The following JCAD variants were observed in gnomAD, a reference collection of about 807,000 sequenced individuals.
JCAD encodes junctional cadherin 5-associated protein.
JCAD carries 40 observed loss-of-function variants against 98.0 expected under a neutral mutation model. The observed-to-expected ratio is 0.41, with a 90% confidence interval of 0.32 to 0.53. The LOEUF (loss-of-function observed/expected upper bound fraction) is 0.53. JCAD is among the 20% of genes least tolerant of loss of function. The pLI is 0.31. For missense variants in JCAD, 1,705 were observed against 1,738.1 expected, an observed-to-expected ratio of 0.98 and a Z score of 0.34; for synonymous variants, 691 against 682.3, an observed-to-expected ratio of 1.01 and a Z score of -0.20.
At chr10:30,035,538 G>A (rs1422477351) in intron 2 of JCAD, among the ~76,000 whole-genome samples, 1 of 152,256 alleles carries the variant, frequency 6.6e-6, no homozygotes, top group African/African-American at 2.4e-5. Flanking sequence ...CTTCAGACAA[G>A]TTAGCAAGAA....
intron 1 of JCAD, among the ~76,000 whole-genome samples, chr10:30,074,527 C>T (rs542598655): frequency 4.6e-5 from 7 of 152,318 alleles, no homozygotes; most frequent in Admixed American, 2.0e-4. Flanking sequence ...ACAACAGGAC[C>T]TGCACCTGTG....
upstream of JCAD, among the ~76,000 whole-genome samples, chr10:30,062,215 A>G (rs1189988845): frequency 6.6e-6 from 1 of 152,198 alleles, no homozygotes; most frequent in African/African-American, 2.4e-5. Context: ...GGGGAATGTA[A>G]TGGGATTGAA....
rs749663289 is a variant in JCAD at position 30,028,592 on chromosome 10, C to T, written c.1556G>A (p.Arg519His). ...ENSGLPNQRD[R>H]CVARGQWPDV... ...AGGCCACTGTCCCCTTGCCACACAG[C>T]GGTCTCTCTGGTTGGGGAGGCCACT... Residue 519 changes from arginine to histidine, a missense_variant, in exon 3 of 4, where the codon CGC (arginine) becomes CAC (histidine). Physicochemically the swap from Arg to His is conservative, Grantham distance 29. This residue lies in a region of JCAD where 1,278 missense variants were observed against 1,243.1 expected (regional missense o/e 1.03). Transcript: ENST00000375377. 2.0e-5 allele frequency: 32 copies of T among 1,613,922 alleles called. No individual in the cohort carries two copies. The highest frequency in any genetic ancestry group is 2.7e-5 in the African/African-American group (2 of 75,048).
rs376588282 is a variant in JCAD at position 30,047,657 on chromosome 10, C to T, written c.156G>A (p.Ala52=). The T allele has an allele frequency of 2.3e-5, 37 of 1,614,200 alleles. No homozygotes were observed. The highest frequency in any genetic ancestry group is 2.2e-4 in the Admixed American group (13 of 60,036). ...CGGACGTCTTACGATGTGCGAGGGC[C>T]GCAGGGCCATCCTCATGCCCGTTCT... The part of the protein sequence containing the change: ...GLQNGHEDGP[A]ALAHRKTSAG... The change falls in exon 2 of 4, where the codon GCG becomes GCA. Residue 52 remains alanine (A), a synonymous_variant. Transcript: ENST00000375377.
At chr10:30,076,701 G>A (rs1837986883) in intron 1 of JCAD, among the ~76,000 whole-genome samples, 1 of 152,080 alleles carries the variant, frequency 6.6e-6, no homozygotes, top group African/African-American at 2.4e-5. Context: ...ACACATGTGG[G>A]TATATAGCAT....
At chr10:30,072,993 G>A (rs1432546155) in intron 1 of JCAD, among the ~76,000 whole-genome samples, 1 of 152,200 alleles carries the variant, frequency 6.6e-6, no homozygotes, top group Non-Finnish European at 1.5e-5. Flanking sequence ...GGCATGACCA[G>A]TCCTAACATT....
intron 1 of JCAD, among the ~76,000 whole-genome samples, chr10:30,076,874 G>C (rs1207850354): frequency 6.6e-6 from 1 of 152,054 alleles, no homozygotes; most frequent in African/African-American, 2.4e-5. Context: ...GTGCGAACCA[G>C]CTAGGAGGGC....
In JCAD at chr10:30,026,531, A is replaced by G. The variant is rs762008363; in HGVS notation, c.3617T>C (p.Val1206Ala). Residue 1206 changes from valine (V) to alanine (A), a missense_variant, in exon 3 of 4, where the codon GTG becomes GCG. By Grantham distance (64) the Val-to-Ala change is moderately conservative. Around this residue, in one of 3 missense-constraint regions of JCAD, gnomAD observed 1,278 missense variants for 1,243.1 expected, o/e 1.03. Coordinates refer to ENST00000375377, the MANE Select transcript of JCAD (RefSeq NM_020848.4). ...LESKFFEQKD[V>A]ETKPPFRSTL... ...GGACCTGAAGGGTGGTTTTGTTTCCACATCCTTTTGTTCGAAGAACTTGGA... is the reference window on the plus strand; with the variant it reads ...GGACCTGAAGGGTGGTTTTGTTTCCGCATCCTTTTGTTCGAAGAACTTGGA... 4.1e-5 allele frequency: 66 copies of G among 1,614,188 alleles called. No individual in the cohort carries two copies. The Middle Eastern group carries it at 4.3e-3, about 105-fold the overall frequency.
chr10:30,099,180 TC>T (rs1432750778), intron 1 of JCAD, among the ~76,000 whole-genome samples: 2 of 152,206 alleles, frequency 1.3e-5, no homozygotes, highest in Non-Finnish European at 2.9e-5. Context: ...GTAAACATAA[TC>T]CCAACTCATC....
At chr10:30,047,103 G>A (rs1186783842) in intron 2 of JCAD, among the ~76,000 whole-genome samples, 5 of 152,066 alleles carry the variant, frequency 3.3e-5, no homozygotes, top group Admixed American at 2.0e-4. Flanking sequence ...AGGTGGCCGG[G>A]TGCAGTGGCT....
At chr10:30,070,884 GTGTTTT>G (rs1837873216) in intron 1 of JCAD, among the ~76,000 whole-genome samples, 1 of 152,162 alleles carries the variant, frequency 6.6e-6, no homozygotes, top group African/African-American at 2.4e-5. Flanking sequence ...TATTAATACA[GTGTTTT>G]TGTTGTTGTT....
intron 1 of JCAD, among the ~76,000 whole-genome samples, chr10:30,077,122 C>G (rs1393810319): frequency 6.6e-6 from 1 of 152,178 alleles, no homozygotes. Context: ...ATCAGTGAAA[C>G]CAGCTTCACA....
At chr10:30,085,921 A>G (rs1838160277) in intron 1 of JCAD, among the ~76,000 whole-genome samples, 1 of 151,332 alleles carries the variant, frequency 6.6e-6, no homozygotes, top group African/African-American at 2.4e-5. Context: ...CCTTCCCCAG[A>G]AAGTCTATTT....
intron 1 of JCAD, among the ~76,000 whole-genome samples, chr10:30,099,543 AT>A (rs1363626617): frequency 6.6e-6 from 1 of 152,108 alleles, no homozygotes; most frequent in Non-Finnish European, 1.5e-5. Flanking sequence ...AGCATGAATA[AT>A]AAGATGAAAA....
chr10:30,079,925 A>T (rs1409701772), intron 1 of JCAD, among the ~76,000 whole-genome samples: 4 of 152,162 alleles, frequency 2.6e-5, no homozygotes, highest in Non-Finnish European at 5.9e-5. Flanking sequence ...ATTATTCATC[A>T]TTTACTTAAT....
intron 1 of JCAD, among the ~76,000 whole-genome samples, chr10:30,094,824 A>T (rs898771089): frequency 6.6e-6 from 1 of 152,100 alleles, no homozygotes; most frequent in Non-Finnish European, 1.5e-5. Flanking sequence ...CCTCCTCCCG[A>T]ATATCTGTCT....
At chr10:30,030,936 C>T (rs1420463351) in intron 2 of JCAD, among the ~76,000 whole-genome samples, 1 of 150,000 alleles carries the variant, frequency 6.7e-6, no homozygotes, top group Non-Finnish European at 1.5e-5. Context: ...CCGAGACTCT[C>T]CAAGTGTCCC....
At chr10:30,101,273 G>A (rs139727857) in intron 1 of JCAD, among the ~76,000 whole-genome samples, 280 of 152,240 alleles carry the variant, frequency 1.8e-3, no homozygotes, top group African/African-American at 6.3e-3. Context: ...GCTGGGCGTG[G>A]TGGCCCATTC....
upstream of JCAD, among the ~76,000 whole-genome samples, chr10:30,063,162 A>C (rs532369721): frequency 2.9e-4 from 44 of 151,504 alleles, no homozygotes; most frequent in African/African-American, 1.1e-3. Flanking sequence ...GAAAAAAAAA[A>C]AAACTCGCTT....
Sources: allele counts gnomAD v4.1 joint callset (sites outside exome capture counted in the v4.1 genomes callset), GRCh38; gene constraint gnomAD v4.1.1; regional missense constraint gnomAD v4.1.1; transcripts MANE v1.5; gene names NCBI Gene and HGNC (gene_info 2026-07-23, HGNC 2026-07-21).